The following ROBO2 variants were observed in gnomAD, a reference collection of about 807,000 sequenced individuals.
ROBO2 encodes the protein roundabout guidance receptor 2.
A neutral mutation model predicts 160.8 loss-of-function variants in ROBO2; 53 were observed. The ratio of observed to expected loss-of-function variants is 0.33; its 90% CI spans 0.26 to 0.41. The LOEUF is 0.41. ROBO2 is among the 10% of genes least tolerant of loss of function. The pLI, the probability that ROBO2 is intolerant of heterozygous loss-of-function variation, is 1.00. For synonymous variants in ROBO2, 664 were observed against 611.7 expected (o/e 1.09, Z -1.26); for missense variants, 1,577 against 1,722.4 (o/e 0.92, Z 1.49).
intron 2 of ROBO2, among the ~76,000 whole-genome samples, chr3:77,426,444 G>T (rs1032266579): frequency 1.3e-5 from 2 of 152,058 alleles, no homozygotes; most frequent in African/African-American, 4.8e-5. Flanking sequence ...AGAGTGTTCA[G>T]AAATCAGGCG....
intron 2 of ROBO2, among the ~76,000 whole-genome samples, chr3:76,524,720 T>A (rs1203059389): frequency 6.6e-6 from 1 of 150,894 alleles, no homozygotes; most frequent in Non-Finnish European, 1.5e-5. Flanking sequence ...ATTGTTTTCA[T>A]TATTTATTAA....
At chr3:76,695,633 T>C (rs941926117) in intron 2 of ROBO2, among the ~76,000 whole-genome samples, 2 of 152,216 alleles carry the variant, frequency 1.3e-5, no homozygotes, top group African/African-American at 2.4e-5. Context: ...TGGCAAACAC[T>C]TGTGGTACTA....
At chr3:76,014,585 G>C (rs572643546) in intron 2 of ROBO2, among the ~76,000 whole-genome samples, 6 of 147,124 alleles carry the variant, frequency 4.1e-5, no homozygotes, top group Non-Finnish European at 9.0e-5. Context: ...AAGGCAATTG[G>C]CGGCTGGCAT....
chr3:77,108,448 A>G (rs2073151496), intron 2 of ROBO2, among the ~76,000 whole-genome samples: 1 of 152,062 alleles, frequency 6.6e-6, no homozygotes, highest in Non-Finnish European at 1.5e-5. Flanking sequence ...ACGAAGTGCT[A>G]GGATTACAAG....
chr3:76,282,697 T>C (rs905693488), intron 2 of ROBO2, among the ~76,000 whole-genome samples: 1 of 151,976 alleles, frequency 6.6e-6, no homozygotes, highest in Non-Finnish European at 1.5e-5. Flanking sequence ...ATTGTGGGTC[T>C]GCCTCAATGA....
intron 2 of ROBO2, among the ~76,000 whole-genome samples, chr3:77,456,705 T>C (rs2081677515): frequency 6.6e-6 from 1 of 152,192 alleles, no homozygotes; most frequent in South Asian, 2.1e-4. Flanking sequence ...ATGACTGGGC[T>C]TATTTGAATT....
intron 2 of ROBO2, among the ~76,000 whole-genome samples, chr3:76,224,702 T>C (rs1403264987): frequency 6.6e-6 from 1 of 151,628 alleles, no homozygotes. Flanking sequence ...TAAATTCTAT[T>C]TAACCTTGAA....
chr3:76,584,869 C>A (rs1287645577), intron 2 of ROBO2, among the ~76,000 whole-genome samples: 1 of 152,148 alleles, frequency 6.6e-6, no homozygotes, highest in Non-Finnish European at 1.5e-5. Flanking sequence ...TGTCTTCCTG[C>A]AGTGTCTATC....
intron 2 of ROBO2, among the ~76,000 whole-genome samples, chr3:76,145,661 A>G (rs943769454): frequency 3.3e-5 from 5 of 152,164 alleles, no homozygotes; most frequent in Non-Finnish European, 1.5e-5. Context: ...AAATTTACTT[A>G]TGTATAACTC....
In ROBO2 at chr3:76,043,676, C is replaced by A. The variant is rs1016264444; in HGVS notation, c.109+106074C>A. Among the ~76,000 whole-genome samples, 21 of 126,396 alleles carry A rather than the reference C, an allele frequency of 1.7e-4. 1 individual carries two copies. The highest frequency in any genetic ancestry group is 4.5e-3 in the Middle Eastern group (1 of 224). The allele number at this position is 126,396 out of a possible 152,430, so 82.9% of individuals were successfully genotyped here. A position where few individuals can be genotyped will look rare whatever the true frequency, so the allele number is the denominator to read the frequency against. ...ACCAAAAAACCAAACCAAAACAAAC[C>A]AAAACAAAAAAACACTGCCACCTCT... On this transcript the variant is annotated intron_variant, in intron 2 of 26. Transcript: ENST00000487694.
chr3:77,535,149 T>C (rs2092009964), intron 6 of ROBO2, among the ~76,000 whole-genome samples: 1 of 152,168 alleles, frequency 6.6e-6, no homozygotes, highest in South Asian at 2.1e-4. Context: ...TTCCGTTAAC[T>C]AAGCAACCCT....
At chr3:76,894,122 A>G (rs570643052) in intron 2 of ROBO2, among the ~76,000 whole-genome samples, 20 of 151,900 alleles carry the variant, frequency 1.3e-4, no homozygotes, top group African/African-American at 4.8e-4. Context: ...AGTACTGCTT[A>G]TTATCTGTGG....
chr3:77,367,311 A>G (rs2071046910), intron 2 of ROBO2, among the ~76,000 whole-genome samples: 1 of 152,124 alleles, frequency 6.6e-6, no homozygotes, highest in East Asian at 1.9e-4. Context: ...CCTTTTTCTA[A>G]GGAAATGATT....
At chr3:77,516,215 T>A (rs375222013) in intron 5 of ROBO2, among the ~76,000 whole-genome samples, 2 of 151,608 alleles carry the variant, frequency 1.3e-5, no homozygotes, top group East Asian at 1.9e-4. Flanking sequence ...ATTTGTGCTA[T>A]GCCAGATTTT....
intron 2 of ROBO2, among the ~76,000 whole-genome samples, chr3:76,557,854 C>A (rs2083898562): frequency 6.7e-6 from 1 of 149,382 alleles, no homozygotes; most frequent in Admixed American, 6.7e-5. Context: ...CTTCCTCATT[C>A]TTGCTTTTCA....
At chr3:76,141,684 A>G (rs1365808173) in intron 2 of ROBO2, among the ~76,000 whole-genome samples, 3 of 151,996 alleles carry the variant, frequency 2.0e-5, no homozygotes, top group African/African-American at 7.2e-5. Context: ...CCTGAGTCCC[A>G]GTCTAGAGAT....
intron 2 of ROBO2, among the ~76,000 whole-genome samples, chr3:76,699,252 T>A (rs1340870116): frequency 6.6e-6 from 1 of 152,130 alleles, no homozygotes; most frequent in East Asian, 1.9e-4. Flanking sequence ...CCTAATCAGA[T>A]CTGCTGTTTA....
intron 2 of ROBO2, among the ~76,000 whole-genome samples, chr3:76,348,419 T>C (rs958634758): frequency 6.6e-6 from 1 of 152,046 alleles, no homozygotes; most frequent in South Asian, 2.1e-4. Flanking sequence ...TCCAAAGATA[T>C]AGGTTAAAGT....
chr3:75,957,716 T>C (rs534881567), intron 2 of ROBO2, among the ~76,000 whole-genome samples: 26 of 151,422 alleles, frequency 1.7e-4, no homozygotes, highest in Admixed American at 2.6e-4. Flanking sequence ...TTTTTTTTTT[T>C]CATCTTTGGA....
Sources: gnomAD v4.1 joint callset for allele counts (sites outside exome capture counted in the v4.1 genomes callset) on GRCh38, gnomAD v4.1.1 for gene constraint, MANE v1.5 for transcripts, NCBI Gene and HGNC (gene_info 2026-07-23, HGNC 2026-07-21) for gene names.